The following CNTN4 variants were observed in gnomAD, a reference collection of about 807,000 sequenced individuals.
CNTN4 encodes the protein contactin-4.
Under a neutral mutation model 122.5 loss-of-function variants are expected in CNTN4, and 77 were observed. That is an observed-to-expected ratio of 0.63 (90% confidence interval 0.52 to 0.76). The LOEUF (loss-of-function observed/expected upper bound fraction) is 0.76. Among genes scored for constraint, CNTN4 ranks in the 30% least tolerant of loss-of-function variants. The pLI, the probability that CNTN4 is intolerant of heterozygous loss-of-function variation, is 0.00. For missense variants in CNTN4, 1,256 were observed against 1,259.1 expected (o/e 1.00, Z 0.04); for synonymous variants, 512 against 447.0 (o/e 1.15, Z -1.83).
chr3:2,518,300 G>A (rs953166639), intron 3 of CNTN4, among the ~76,000 whole-genome samples: 2 of 152,160 alleles, frequency 1.3e-5, no homozygotes, highest in African/African-American at 4.8e-5. Context: ...ATCAAGGGCT[G>A]TGTCTAAATG....
chr3:2,695,452 C>T (rs969135213), intron 4 of CNTN4, among the ~76,000 whole-genome samples: 1 of 152,174 alleles, frequency 6.6e-6, no homozygotes, highest in East Asian at 1.9e-4. Flanking sequence ...GTATATAGAA[C>T]TCAAAATACT....
intron 13 of CNTN4, among the ~76,000 whole-genome samples, chr3:2,977,851 C>T (rs1693573990): frequency 6.6e-6 from 1 of 152,256 alleles, no homozygotes; most frequent in Non-Finnish European, 1.5e-5. Context: ...ATTGCATAGG[C>T]CCTAATCCAA....
intron 8 of CNTN4, among the ~76,000 whole-genome samples, chr3:2,879,040 A>G (rs1246523246): frequency 6.6e-6 from 1 of 152,212 alleles, no homozygotes; most frequent in African/African-American, 2.4e-5. Context: ...TCAAATAGAT[A>G]TGGTGAAGTC....
At chr3:2,341,207 T>A (rs963353313) in intron 3 of CNTN4, among the ~76,000 whole-genome samples, 4 of 152,298 alleles carry the variant, frequency 2.6e-5, no homozygotes, top group South Asian at 4.1e-4. Flanking sequence ...GTTTCTTTGA[T>A]CCTATTCATT....
chr3:2,815,765 A>T (rs996997158), intron 6 of CNTN4, among the ~76,000 whole-genome samples: 15 of 152,216 alleles, frequency 9.9e-5, no homozygotes, highest in African/African-American at 3.6e-4. Context: ...GTCATTGTTT[A>T]AAAAAGATAC....
At chr3:2,800,572 G>A (rs2092323991) in intron 6 of CNTN4, among the ~76,000 whole-genome samples, 1 of 152,118 alleles carries the variant, frequency 6.6e-6, no homozygotes, top group Non-Finnish European at 1.5e-5. Flanking sequence ...TGCCAGACAT[G>A]TAATAAGCAA....
chr3:2,605,650 T>C lies in CNTN4; in HGVS notation c.55+34092T>C, dbSNP rs568962562. Among the ~76,000 whole-genome samples the C allele has an allele frequency of 2.6e-4, 40 of 152,234 alleles. No individual in the cohort carries two copies. The South Asian group carries it at 7.7e-3, about 29-fold the overall frequency. On this transcript the variant is annotated intron_variant, in intron 4 of 24. Coordinates refer to ENST00000418658, the MANE Select transcript of CNTN4 (RefSeq NM_175607.3). ...GTAGAGATTGGGAGACATGCCAGAT[T>C]CTGGATGCATTTTGAAGGTGGAGCT...
intron 2 of CNTN4, among the ~76,000 whole-genome samples, chr3:2,261,627 A>T (rs998773439): frequency 1.3e-5 from 2 of 152,130 alleles, no homozygotes; most frequent in Admixed American, 6.6e-5. Context: ...ATCAACACCA[A>T]CTATTCCAGG....
intron 18 of CNTN4, among the ~76,000 whole-genome samples, 157 bp from the exon 19 acceptor site, chr3:3,038,776 G>A (rs1447219053): frequency 6.6e-6 from 1 of 152,036 alleles, no homozygotes; most frequent in Non-Finnish European, 1.5e-5. Flanking sequence ...TCGAGCGGTC[G>A]CCGTGGGCCC....
chr3:2,593,899 A>G (rs1412846307), intron 4 of CNTN4, among the ~76,000 whole-genome samples: 1 of 152,170 alleles, frequency 6.6e-6, no homozygotes, highest in Admixed American at 6.5e-5. Context: ...CCAAGCAGTT[A>G]TATTTATATA....
chr3:2,115,347 T>G (rs960386402), intron 2 of CNTN4, among the ~76,000 whole-genome samples: 17 of 152,354 alleles, frequency 1.1e-4, no homozygotes, highest in African/African-American at 3.4e-4. Flanking sequence ...TAGTTCTTCC[T>G]TCTATTCCAT....
At chr3:2,506,206 C>T (rs1157884284) in intron 3 of CNTN4, among the ~76,000 whole-genome samples, 1 of 152,102 alleles carries the variant, frequency 6.6e-6, no homozygotes, top group Non-Finnish European at 1.5e-5. Flanking sequence ...ATGTAAAAGC[C>T]TAAAGAAGGC....
chr3:2,118,084 A>G (rs1353583908), intron 2 of CNTN4, among the ~76,000 whole-genome samples: 1 of 152,218 alleles, frequency 6.6e-6, no homozygotes, highest in Non-Finnish European at 1.5e-5. Context: ...TTAATTGAAC[A>G]TTTATAATGT....
rs115473802 is a variant in CNTN4, at chr3:2,803,862, T to G, written c.359-15624T>G. ...AGGTGAGAGCCACCAAGCCCGGCAG[T>G]AATTCTTATGAAGAACCGTTACCAC... On this transcript the variant is annotated intron_variant, in intron 6 of 24. Coordinates refer to ENST00000418658, the MANE Select transcript of CNTN4 (RefSeq NM_175607.3). Among the ~76,000 whole-genome samples, 1,014 of 152,030 alleles carry G rather than the reference T, an allele frequency of 6.7e-3. 10 individuals carry two copies. Among genetic ancestry groups the G allele is most frequent in the African/African-American group, 0.023 (957 of 41,498 alleles).
At chr3:2,429,034 C>T (rs1042825679) in intron 3 of CNTN4, among the ~76,000 whole-genome samples, 2 of 152,108 alleles carry the variant, frequency 1.3e-5, no homozygotes, top group African/African-American at 2.4e-5. Flanking sequence ...TTCTTTTGCT[C>T]AGAGAGGTTT....
At chr3:2,921,850 C>A (rs1180371192) in intron 12 of CNTN4, among the ~76,000 whole-genome samples, 2 of 152,042 alleles carry the variant, frequency 1.3e-5, no homozygotes, top group African/African-American at 2.4e-5. Flanking sequence ...GTTCTATTGG[C>A]CACTTAAAAT....
In CNTN4 at chr3:2,654,215, T is replaced by G. The variant is rs1343833194; in HGVS notation, c.56-82000T>G. Among the ~76,000 whole-genome samples the G allele has an allele frequency of 2.0e-5, 3 of 152,306 alleles. No individual in the cohort carries two copies. In the South Asian group the frequency reaches 6.2e-4, roughly 32 times the overall value. On this transcript the variant is annotated intron_variant, in intron 4 of 24. Transcript: ENST00000418658. The stretch of plus-strand genomic sequence containing the variant: ...TGGAAATACCATTGAAAAAAAGAGT[T>G]TTTTTGACCACCTTGGCAATGGCCA...
At chr3:2,476,296 C>G (rs1484942614) in intron 3 of CNTN4, among the ~76,000 whole-genome samples, 1 of 152,130 alleles carries the variant, frequency 6.6e-6, no homozygotes, top group East Asian at 1.9e-4. Context: ...GAGCCAATGT[C>G]AGTTAAGATT....
At chr3:2,838,974 G>A (rs1315028135) in intron 7 of CNTN4, among the ~76,000 whole-genome samples, 1 of 152,176 alleles carries the variant, frequency 6.6e-6, no homozygotes, top group East Asian at 1.9e-4. Context: ...AACTAAAGCA[G>A]GTAGATTATT....
Sources: gnomAD v4.1 joint callset for allele counts (sites outside exome capture counted in the v4.1 genomes callset) on GRCh38, gnomAD v4.1.1 for gene constraint, MANE v1.5 for transcripts, NCBI Gene and HGNC (gene_info 2026-07-23, HGNC 2026-07-21) for gene names.